Variants in ADAM29 observed in about 807,000 individuals in gnomAD.
ADAM29 encodes ADAM metallopeptidase domain 29.
For missense variants in ADAM29, 969 were observed against 1,001.8 expected, an observed-to-expected ratio of 0.97 and a Z score of 0.44; for synonymous variants, 367 against 342.3, an observed-to-expected ratio of 1.07 and a Z score of -0.80.
At chr4:174,927,130 G>C (rs1222444230) in intron 2 of ADAM29, among the ~76,000 whole-genome samples, 1 of 152,102 alleles carries the variant, frequency 6.6e-6, no homozygotes, top group Non-Finnish European at 1.5e-5. Context: ...CAAGAATGCA[G>C]ACAAACTGGA....
At position 174,976,153 on chromosome 4, in the gene ADAM29, C is replaced by A. The variant is rs769264229; in HGVS notation, c.628C>A (p.Leu210Met). 1.1e-5 allele frequency: 18 copies of A among 1,613,522 alleles called. No homozygotes were observed. The South Asian group carries it at 2.0e-4, about 18-fold the overall frequency. Residue 210 changes from leucine to methionine, a missense_variant, in exon 5 of 5, where the codon CTG becomes ATG. Transcript: ENST00000359240. ...VEIVVVIDNY[L>M]YIRYERNDSK... ...AATTGTAGTCGTCATTGATAATTAT[C>A]TGTACATTCGTTATGAAAGGAACGA...
At chr4:174,927,623 A>T (rs1743594681) in intron 2 of ADAM29, among the ~76,000 whole-genome samples, 1 of 152,184 alleles carries the variant, frequency 6.6e-6, no homozygotes, top group Admixed American at 6.5e-5. Flanking sequence ...ACAAATTGTG[A>T]TTAAGTTTTG....
chr4:174,959,417 A>G (rs116346790), intron 4 of ADAM29, among the ~76,000 whole-genome samples: 3,907 of 151,408 alleles, frequency 0.026, 157 homozygotes, highest in African/African-American at 0.087. Context: ...CTGCAATTGA[A>G]ATAAAATATT....
At chr4:174,972,552 C>A (rs1440581586) in intron 4 of ADAM29, among the ~76,000 whole-genome samples, 1 of 152,092 alleles carries the variant, frequency 6.6e-6, no homozygotes, top group African/African-American at 2.4e-5. Flanking sequence ...CTTACCAGTT[C>A]TTTGTGTAGT....
intron 4 of ADAM29, among the ~76,000 whole-genome samples, chr4:174,964,229 G>C (rs1412256065): frequency 1.3e-5 from 2 of 151,900 alleles, no homozygotes; most frequent in Non-Finnish European, 2.9e-5. Flanking sequence ...AATTTGACCA[G>C]TGTCCTTATA....
In ADAM29 at chr4:174,977,312, G is replaced by C; in HGVS notation, c.1787G>C (p.Gly596Ala). 6.2e-7 allele frequency: 1 copy of C among 1,613,700 alleles called. No individual in the cohort carries two copies. The highest frequency in any genetic ancestry group is 8.5e-7 in the Non-Finnish European group (1 of 1,180,012). ...TTGGGGATGAAGGGACCTGATATTGGTGAAGTGAAAGATGGAACAGAGTGT... is the reference window on the plus strand; with the variant it reads ...TTGGGGATGAAGGGACCTGATATTGCTGAAGTGAAAGATGGAACAGAGTGT... The part of the protein sequence containing the change: ...YHLGMKGPDI[G>A]EVKDGTECGI... Residue 596 changes from glycine to alanine, a missense_variant, in exon 5 of 5, where the codon GGT becomes GCT. By Grantham distance (60) the Gly-to-Ala change is moderately conservative. Coordinates refer to ENST00000359240, the MANE Select transcript of ADAM29 (RefSeq NM_014269.4).
chr4:174,924,716 T>C (rs1399397798), intron 2 of ADAM29, among the ~76,000 whole-genome samples: 1 of 152,158 alleles, frequency 6.6e-6, no homozygotes, highest in African/African-American at 2.4e-5. Flanking sequence ...CTGAAAAGGC[T>C]ACATGGTATA....
At chr4:174,921,025 C>T (rs372339017) in intron 2 of ADAM29, among the ~76,000 whole-genome samples, 1 of 152,248 alleles carries the variant, frequency 6.6e-6, no homozygotes, top group South Asian at 2.1e-4. Context: ...TCAGAGACTA[C>T]ATCTTTGAAG....
chr4:174,940,898 C>T (rs13136874), intron 4 of ADAM29, among the ~76,000 whole-genome samples: 106,889 of 151,994 alleles, frequency 0.7, 39,184 homozygotes, highest in Non-Finnish European at 0.8. Context: ...TAGCATGGTG[C>T]ATAACCATTG....
intron 4 of ADAM29, among the ~76,000 whole-genome samples, chr4:174,953,913 C>T (rs56131330): frequency 0.42 from 63,615 of 151,790 alleles, 13,878 homozygotes; most frequent in African/African-American, 0.54. Context: ...GGTTTCACCA[C>T]GGTTTTCAGG....
chr4:174,978,174 C>A lies in ADAM29; in HGVS notation c.*186C>A. 1 of 961,402 alleles carries A rather than the reference C, an allele frequency of 1.0e-6. No individual in the cohort carries two copies. Among genetic ancestry groups the A allele is most frequent in the South Asian group, 1.8e-5 (1 of 55,036 alleles). 59.6% of individuals were successfully genotyped at this position (961,402 alleles called of 1,614,324 possible). ...GAAAAGGTACATTAAAAAAATAATT[C>A]CTAGTATGTTTCTACTTACTCTTCA... On this transcript the variant is annotated 3_prime_UTR_variant, in exon 5 of 5. Transcript: ENST00000359240.
Position 174,975,632 on chromosome 4 carries a change from C to T in ADAM29, c.107C>T (p.Pro36Leu), listed in dbSNP as rs773035191. 1.2e-6 allele frequency: 2 copies of T among 1,612,736 alleles called. No homozygotes were observed. The highest frequency in any genetic ancestry group is 2.2e-5 in the South Asian group (2 of 90,822). Reference protein sequence around the residue: ...QYHSPPDVVIPVRITGTTRGM... With the variant: ...QYHSPPDVVILVRITGTTRGM... ...CACAGCCCTCCGGATGTGGTGATTC[C>T]TGTGAGGATAACTGGCACCACCAGA... Residue 36 changes from proline (P) to leucine (L), a missense_variant, in exon 5 of 5, where the codon CCT becomes CTT. Coordinates refer to ENST00000359240, the MANE Select transcript of ADAM29 (RefSeq NM_014269.4).
At position 174,976,901 on chromosome 4, in the gene ADAM29, T is replaced by C; in HGVS notation, c.1376T>C (p.Val459Ala). Residue 459 changes from valine (V) to alanine (A), a missense_variant, in exon 5 of 5, where the codon GTC becomes GCC. Val to Ala is a moderately conservative substitution (Grantham distance 64, BLOSUM62 0). Coordinates refer to ENST00000359240, the MANE Select transcript of ADAM29 (RefSeq NM_014269.4). ...LPSGKVCRKE[V>A]NECDLPEWCN... is the part of the protein sequence containing the mutation. ...TCAGGGAAAGTGTGTAGAAAGGAGG[T>C]CAATGAATGTGATCTTCCAGAGTGG... 3 of 1,613,954 alleles carry C rather than the reference T, an allele frequency of 1.9e-6. No homozygotes were observed. Among genetic ancestry groups the C allele is most frequent in the Non-Finnish European group, 2.5e-6 (3 of 1,179,968 alleles).
At chr4:174,960,265 AT>A (rs900720233) in intron 4 of ADAM29, among the ~76,000 whole-genome samples, 17 of 151,644 alleles carry the variant, frequency 1.1e-4, no homozygotes, top group Admixed American at 1.1e-3. Flanking sequence ...TGGTCTGTTA[AT>A]TTTTTTCATC....
chr4:174,976,683 T>C lies in ADAM29; in HGVS notation c.1158T>C (p.Leu386=). 1 of 1,614,018 alleles carries C rather than the reference T, an allele frequency of 6.2e-7. No homozygotes were observed. The part of the protein sequence containing the change: ...EYTVERTKCL[L]ETVHTKDIFN... ...CTGTAGAGAGGACAAAGTGTTTGCT[T>C]GAAACAGTACACACAAAGGACATCT... Residue 386 remains leucine, a synonymous_variant, in exon 5 of 5, where the codon CTT becomes CTC. Coordinates refer to ENST00000359240, the MANE Select transcript of ADAM29 (RefSeq NM_014269.4).
At chr4:174,960,721 T>C (rs926587658) in intron 4 of ADAM29, among the ~76,000 whole-genome samples, 1 of 152,206 alleles carries the variant, frequency 6.6e-6, no homozygotes, top group Admixed American at 6.5e-5. Context: ...TGTTATTAAG[T>C]GTAAACATAT....
At chr4:174,936,824 G>A (rs1181377475) in intron 3 of ADAM29, 109 bp from the exon 4 acceptor site, 1 of 151,654 alleles carries the variant, frequency 6.6e-6, no homozygotes, top group Non-Finnish European at 1.5e-5. Context: ...AAAATGATTT[G>A]GAGAGTGATC....
At chr4:174,964,697 G>A (rs1218094775) in intron 4 of ADAM29, among the ~76,000 whole-genome samples, 6 of 152,004 alleles carry the variant, frequency 3.9e-5, no homozygotes, top group African/African-American at 1.2e-4. Flanking sequence ...TGTTAAAACT[G>A]AGTTAATGGA....
intron 4 of ADAM29, among the ~76,000 whole-genome samples, chr4:174,950,505 T>G (rs1745106871): frequency 6.6e-6 from 1 of 152,258 alleles, no homozygotes; most frequent in South Asian, 2.1e-4. Flanking sequence ...TTGACTATCC[T>G]TTCTCTTTTC....
Sources: allele counts gnomAD v4.1 joint callset (sites outside exome capture counted in the v4.1 genomes callset), GRCh38; gene constraint gnomAD v4.1.1; transcripts MANE v1.5; gene names NCBI Gene and HGNC (gene_info 2026-07-23, HGNC 2026-07-21).